AADAT: variants seen among roughly 807,000 people sequenced by gnomAD.
AADAT encodes aminoadipate aminotransferase.
A neutral mutation model predicts 56.2 loss-of-function variants in AADAT; 25 were observed. The ratio of observed to expected loss-of-function variants is 0.44; its 90% CI spans 0.32 to 0.62. AADAT has a LOEUF of 0.62. AADAT is among the 20% of genes least tolerant of loss of function. The pLI is 0.04. For synonymous variants in AADAT, 173 were observed against 164.7 expected, an observed-to-expected ratio of 1.05 and a Z score of -0.39; for missense variants, 387 against 510.5, an observed-to-expected ratio of 0.76 and a Z score of 2.33.
chr4:170,067,610 C>T (rs1731532873), intron 8 of AADAT, among the ~76,000 whole-genome samples: 1 of 152,040 alleles, frequency 6.6e-6, no homozygotes, highest in African/African-American at 2.4e-5. Context: ...ATGTAGCAGG[C>T]ACTGTTGTAA....
chr4:170,065,316 A>G (rs1731395524), intron 10 of AADAT, among the ~76,000 whole-genome samples: 1 of 152,232 alleles, frequency 6.6e-6, no homozygotes, highest in Non-Finnish European at 1.5e-5. Flanking sequence ...TTAAAATTCA[A>G]GAATTCCAGA....
chr4:170,082,176 C>A (rs138810854), intron 3 of AADAT, among the ~76,000 whole-genome samples: 1 of 152,032 alleles, frequency 6.6e-6, no homozygotes, highest in African/African-American at 2.4e-5. Flanking sequence ...GAAGCCTAAA[C>A]GACAAATTGA....
intron 7 of AADAT, 60 bp downstream of exon 7, chr4:170,069,088 C>A: frequency 7.1e-7 from 1 of 1,415,842 alleles, no homozygotes; most frequent in Non-Finnish European, 9.7e-7. Context: ...CTAAAAGATA[C>A]TGAGGTACTA....
chr4:170,089,594 C>CA, intron 1 of AADAT, 30 bp downstream of exon 1: 1 of 1,613,798 alleles, frequency 6.2e-7, no homozygotes, highest in African/African-American at 1.3e-5. Flanking sequence ...TGCCCCACCC[C>CA]AAAGGAGAGA....
At chr4:170,075,427 T>G (rs537072758) in intron 4 of AADAT, among the ~76,000 whole-genome samples, 1 of 152,192 alleles carries the variant, frequency 6.6e-6, no homozygotes, top group African/African-American at 2.4e-5. Flanking sequence ...ACCATGCTCC[T>G]GGGCTCAAGC....
chr4:170,080,912 T>C (rs1021851236), intron 3 of AADAT, among the ~76,000 whole-genome samples: 1 of 151,850 alleles, frequency 6.6e-6, no homozygotes, highest in Admixed American at 6.6e-5. Context: ...CAAGAAACAA[T>C]AGCCAACAGG....
Position 170,083,758 on chromosome 4 carries a change from G to A in AADAT, c.369+3358C>T, listed in dbSNP as rs369015702. On this transcript the variant is annotated intron_variant, in intron 3 of 12. Transcript: ENST00000337664. ...GATAACAGATGCTGATGAGGGTAGAGAAAGGGGAACCTTTATACACTTTAA... is the reference window on the plus strand; with the variant it reads ...GATAACAGATGCTGATGAGGGTAGAAAAAGGGGAACCTTTATACACTTTAA... Among the ~76,000 whole-genome samples, 25 of 152,296 alleles carry A rather than the reference G, an allele frequency of 1.6e-4. No homozygotes were observed. In the Middle Eastern group the frequency reaches 0.014, roughly 83 times the overall value.
At chr4:170,081,987 C>G (rs1254250695) in intron 3 of AADAT, among the ~76,000 whole-genome samples, 1 of 152,198 alleles carries the variant, frequency 6.6e-6, no homozygotes, top group African/African-American at 2.4e-5. Flanking sequence ...TTTACCACCA[C>G]CAGATCCATC....
intron 3 of AADAT, among the ~76,000 whole-genome samples, chr4:170,082,035 G>A (rs1471423729): frequency 6.6e-6 from 1 of 151,902 alleles, no homozygotes; most frequent in Admixed American, 6.6e-5. Flanking sequence ...CAACCTGAAA[G>A]AAAAAAATAC....
upstream of AADAT, among the ~76,000 whole-genome samples, chr4:170,092,818 T>G (rs200221952): frequency 6.6e-6 from 1 of 152,194 alleles, no homozygotes. Flanking sequence ...CATTGGCTGT[T>G]GTTAGTAACA....
At chr4:170,070,192 C>T (rs1373579970) in intron 6 of AADAT, among the ~76,000 whole-genome samples, 1 of 149,248 alleles carries the variant, frequency 6.7e-6, no homozygotes, top group Non-Finnish European at 1.5e-5. Context: ...TCTAATCGGC[C>T]ACCACCAAGA....
Position 170,061,936 on chromosome 4 carries a change from A to G in AADAT, c.1192T>C (p.Leu398=). ...GAAGCTGAAGAGAAGGATGCTCTCAAGTAAGGGCTAGGAGCTGAGCTATCG... is the reference window on the plus strand; with the variant it reads ...GAAGCTGAAGAGAAGGATGCTCTCAGGTAAGGGCTAGGAGCTGAGCTATCG... ...YVDSSAPSPY[L]RASFSSASPE... The change falls in exon 12 of 13, where the codon TTG becomes CTG. Residue 398 remains leucine, a synonymous_variant. Transcript: ENST00000337664. 1 of 1,613,382 alleles carries G rather than the reference A, an allele frequency of 6.2e-7. No individual in the cohort carries two copies. Among genetic ancestry groups the G allele is most frequent in the Non-Finnish European group, 8.5e-7 (1 of 1,179,544 alleles).
At chr4:170,065,746 C>T (rs1446167106) in intron 10 of AADAT, among the ~76,000 whole-genome samples, 3 of 152,114 alleles carry the variant, frequency 2.0e-5, no homozygotes, top group African/African-American at 7.2e-5. Context: ...GGTGATCCAC[C>T]CACCTTGGCC....
intron 3 of AADAT, among the ~76,000 whole-genome samples, chr4:170,080,307 A>G (rs540536830): frequency 9.9e-5 from 15 of 152,088 alleles, no homozygotes; most frequent in Non-Finnish European, 1.8e-4. Flanking sequence ...CCTCCTCCCA[A>G]TTCTGCCTGG....
Position 170,086,033 on chromosome 4 carries a change from A to AGCC in AADAT, c.369+1082_369+1083insGGC, listed in dbSNP as rs879909542. Among the ~76,000 whole-genome samples the AGCC allele has an allele frequency of 1.9e-3, 291 of 152,272 alleles. 1 individual carries two copies. Among genetic ancestry groups the AGCC allele is most frequent in the Non-Finnish European group, 3.2e-3 (216 of 68,000 alleles). On this transcript the variant is annotated intron_variant, in intron 3 of 12. Transcript: ENST00000337664. Reference sequence around the variant, plus strand: ...CCAGCACTTTGGGAGGCCAAGGTGGACAGACTGCTTGAGCCCATGAGCTCA... The same window carrying AGCC: ...CCAGCACTTTGGGAGGCCAAGGTGGAGCCCAGACTGCTTGAGCCCATGAGCTCA...
intron 4 of AADAT, among the ~76,000 whole-genome samples, chr4:170,076,329 A>T (rs1003517506): frequency 3.3e-5 from 5 of 152,024 alleles, no homozygotes; most frequent in Admixed American, 6.6e-5. Flanking sequence ...ATTTAAAAAA[A>T]TTTTTTCCCC....
At chr4:170,063,648 C>A (rs1731305273) in intron 11 of AADAT, among the ~76,000 whole-genome samples, 1 of 152,210 alleles carries the variant, frequency 6.6e-6, no homozygotes, top group African/African-American at 2.4e-5. Context: ...GGAGGTAGGA[C>A]TGAAGTCCAG....
At chr4:170,072,931 A>G (rs1208567348) in intron 5 of AADAT, among the ~76,000 whole-genome samples, 2 of 152,222 alleles carry the variant, frequency 1.3e-5, no homozygotes, top group Non-Finnish European at 2.9e-5. Context: ...ATTATGGGGA[A>G]AGAAAAATCT....
At chr4:170,076,835 A>C (rs1732059322) in intron 4 of AADAT, among the ~76,000 whole-genome samples, 2 of 152,186 alleles carry the variant, frequency 1.3e-5, no homozygotes, top group East Asian at 1.9e-4. Context: ...AAGTGTTTGT[A>C]GTTTTAGCCC....
Sources: gnomAD v4.1 joint callset for allele counts (sites outside exome capture counted in the v4.1 genomes callset) on GRCh38, gnomAD v4.1.1 for gene constraint, MANE v1.5 for transcripts, NCBI Gene and HGNC (gene_info 2026-07-23, HGNC 2026-07-21) for gene names.